The following ADAMTS6 variants were observed in gnomAD, a reference collection of about 807,000 sequenced individuals.
ADAMTS6 encodes ADAM metallopeptidase with thrombospondin type 1 motif 6.
ADAMTS6 carries 23 observed loss-of-function variants against 144.3 expected under a neutral mutation model. The ratio of observed to expected loss-of-function variants is 0.16; its 90% confidence interval spans 0.11 to 0.23. The LOEUF is 0.23. Among genes scored for constraint, ADAMTS6 ranks in the 10% least tolerant of loss-of-function variants. The pLI is 1.00. For synonymous variants in ADAMTS6, 444 were observed against 457.5 expected, an observed-to-expected ratio of 0.97 and a Z score of 0.38; for missense variants, 999 against 1,379.6, an observed-to-expected ratio of 0.72 and a Z score of 4.37.
At position 65,215,421 on chromosome 5, in the gene ADAMTS6, A is replaced by G; in HGVS notation, c.2339T>C (p.Phe780Ser). 6 of 1,614,054 alleles carry G rather than the reference A, an allele frequency of 3.7e-6. No individual in the cohort carries two copies. Among genetic ancestry groups the G allele is most frequent in the Non-Finnish European group, 5.1e-6 (6 of 1,179,966 alleles). Residue 780 changes from phenylalanine (F) to serine (S), a missense_variant, in exon 19 of 25, where the codon TTT (phenylalanine) becomes TCT (serine). Coordinates refer to ENST00000381055, the MANE Select transcript of ADAMTS6 (RefSeq NM_197941.4). ...ATGAAAAGCTGTCCCAGCAACATCA[A>G]ATTTCCTAGGCCAGTCAATAGTCCA... Reference protein sequence around the residue: ...GAWTIDWPRKFDVAGTAFHYK... With the variant: ...GAWTIDWPRKSDVAGTAFHYK...
intron 7 of ADAMTS6, among the ~76,000 whole-genome samples, chr5:65,374,629 A>C (rs997566035): frequency 2.0e-5 from 3 of 152,228 alleles, no homozygotes; most frequent in African/African-American, 7.2e-5. Context: ...CAAATGGAAG[A>C]ACATTGCATG....
chr5:65,451,928 T>C (rs768192898), intron 6 of ADAMTS6, among the ~76,000 whole-genome samples: 2 of 152,204 alleles, frequency 1.3e-5, no homozygotes, highest in African/African-American at 2.4e-5. Context: ...ACATAGCTAA[T>C]CTATATAGCT....
At chr5:65,231,285 C>T (rs894952288) in intron 15 of ADAMTS6, among the ~76,000 whole-genome samples, 1 of 151,310 alleles carries the variant, frequency 6.6e-6, no homozygotes, top group Non-Finnish European at 1.5e-5. Flanking sequence ...TAATAAGAGA[C>T]AAAGAAAGTC....
intron 7 of ADAMTS6, among the ~76,000 whole-genome samples, chr5:65,435,072 G>T (rs1757287680): frequency 6.6e-6 from 1 of 152,156 alleles, no homozygotes; most frequent in Admixed American, 6.5e-5. Flanking sequence ...AATCTTGAAA[G>T]TAAAGATGAA....
intron 7 of ADAMTS6, among the ~76,000 whole-genome samples, chr5:65,367,784 T>A (rs942719421): frequency 1.3e-5 from 2 of 152,056 alleles, no homozygotes; most frequent in Admixed American, 6.5e-5. Context: ...TTCCTGAATA[T>A]TAATCTTGTT....
At chr5:65,470,639 G>C (rs1208184427) in intron 3 of ADAMTS6, 139 bp downstream of exon 3, 1 of 598,282 alleles carries the variant, frequency 1.7e-6, no homozygotes, top group East Asian at 4.1e-5. Context: ...AGCAGAAATA[G>C]CAAAAAATTT....
intron 20 of ADAMTS6, 92 bp from the exon 21 acceptor site, chr5:65,197,243 A>G (rs1388996471): frequency 7.5e-7 from 1 of 1,334,472 alleles, no homozygotes; most frequent in Non-Finnish European, 1.0e-6. Context: ...AATTGACCTC[A>G]CTGGATCGCT....
chr5:65,308,575 C>A (rs1209085065), intron 9 of ADAMTS6, among the ~76,000 whole-genome samples: 3 of 152,090 alleles, frequency 2.0e-5, no homozygotes. Flanking sequence ...AAAAGACATT[C>A]TATTTATTTG....
At chr5:65,398,784 GAAAGAAAGAAAGAAAGAAAGA>G in intron 7 of ADAMTS6, among the ~76,000 whole-genome samples, 1 of 48,614 alleles carries the variant, frequency 2.1e-5, no homozygotes, top group African/African-American at 4.9e-5. Context: ...GAGAGAGCAA[GAAAGAAAGAAAGAAAGAAAGA>G]AAGAAAGAAA....
intron 11 of ADAMTS6, among the ~76,000 whole-genome samples, chr5:65,274,280 G>C (rs548616537): frequency 6.6e-6 from 1 of 151,836 alleles, no homozygotes; most frequent in Non-Finnish European, 1.5e-5. Context: ...CCCCCAAAAA[G>C]CTTCCTTTTG....
chr5:65,236,618 T>A (rs1056892458), intron 15 of ADAMTS6, among the ~76,000 whole-genome samples: 6 of 152,064 alleles, frequency 3.9e-5, no homozygotes, highest in African/African-American at 1.4e-4. Flanking sequence ...TTAAATTATA[T>A]ATGAACAACA....
chr5:65,415,576 TG>T, intron 7 of ADAMTS6: 1 of 376,478 alleles, frequency 2.7e-6, no homozygotes, highest in Non-Finnish European at 5.3e-6. Context: ...ATGAAGTCCC[TG>T]GAGGAGATCT....
intron 7 of ADAMTS6, among the ~76,000 whole-genome samples, chr5:65,405,243 T>A (rs1754343141): frequency 1.3e-5 from 2 of 152,252 alleles, no homozygotes; most frequent in Non-Finnish European, 2.9e-5. Context: ...TGAATGGTAC[T>A]GCCTAGGTTT....
At chr5:65,323,448 C>A (rs1165622517) in intron 9 of ADAMTS6, among the ~76,000 whole-genome samples, 10 of 151,890 alleles carry the variant, frequency 6.6e-5, no homozygotes, top group Non-Finnish European at 1.3e-4. Flanking sequence ...GACATGAAAT[C>A]ATCATTTTTT....
intron 24 of ADAMTS6, among the ~76,000 whole-genome samples, chr5:65,152,849 G>T (rs893021536): frequency 6.6e-6 from 1 of 152,110 alleles, no homozygotes; most frequent in Non-Finnish European, 1.5e-5. Flanking sequence ...GAGACTTTAG[G>T]ATACTCTGTA....
chr5:65,263,787 C>G (rs138985894), intron 12 of ADAMTS6, among the ~76,000 whole-genome samples: 63 of 152,260 alleles, frequency 4.1e-4, no homozygotes, highest in African/African-American at 1.4e-3. Context: ...TTTGTTGATG[C>G]ATTTTTCAAA....
rs56151306 is a variant in ADAMTS6 at position 65,468,362 on chromosome 5, A to G, written c.462+2416T>C. On this transcript the variant is annotated intron_variant, in intron 3 of 24. Coordinates refer to ENST00000381055, the MANE Select transcript of ADAMTS6 (RefSeq NM_197941.4). ...CCATTTGATTAAAAATGTAACATCC[A>G]TAGGAGGTGGAGGTTGCAGTGAGCC... is the stretch of plus-strand genomic sequence containing the variant. 4.4e-3 allele frequency among the ~76,000 whole-genome samples: 673 copies of G among 151,628 alleles called. 6 individuals are homozygous for G. Among genetic ancestry groups the G allele is most frequent in the African/African-American group, 0.016 (648 of 41,364 alleles).
At chr5:65,408,779 C>T (rs1048783627) in intron 7 of ADAMTS6, among the ~76,000 whole-genome samples, 10 of 152,258 alleles carry the variant, frequency 6.6e-5, no homozygotes, top group Admixed American at 2.6e-4. Flanking sequence ...TGAAAAAGAA[C>T]AGAAATTATA....
chr5:65,206,737 C>CA (rs1040562560), intron 20 of ADAMTS6, among the ~76,000 whole-genome samples: 4 of 144,892 alleles, frequency 2.8e-5, no homozygotes, highest in Admixed American at 6.9e-5. Flanking sequence ...GGTAAAGACT[C>CA]AAAAAGTAAA....
Sources: gnomAD v4.1 joint callset for allele counts (sites outside exome capture counted in the v4.1 genomes callset) on GRCh38, gnomAD v4.1.1 for gene constraint, MANE v1.5 for transcripts, NCBI Gene and HGNC (gene_info 2026-07-23, HGNC 2026-07-21) for gene names.